Variants in CCDC170 observed in about 807,000 individuals in gnomAD.
CCDC170 encodes the protein coiled-coil domain-containing protein 170.
In CCDC170, 69 loss-of-function variants were observed where a neutral mutation model predicts 72.6. That is an observed-to-expected ratio of 0.95 (90% CI 0.78 to 1.16). CCDC170 has a LOEUF of 1.16. Ranked by LOEUF, CCDC170 falls within the 50% of genes most tolerant of loss-of-function variation. CCDC170 has a pLI of 0.00. For missense variants in CCDC170, 852 were observed against 832.5 expected, an observed-to-expected ratio of 1.02 and a Z score of -0.29; for synonymous variants, 300 against 303.9, an observed-to-expected ratio of 0.99 and a Z score of 0.13.
intron 6 of CCDC170, among the ~76,000 whole-genome samples, chr6:151,579,019 T>A (rs1442226485): frequency 6.6e-6 from 1 of 152,172 alleles, no homozygotes; most frequent in East Asian, 1.9e-4. Flanking sequence ...TCTTTAACTA[T>A]ATTGTGCTTT....
At chr6:151,546,764 ACTT>A (rs375537788) in intron 4 of CCDC170, among the ~76,000 whole-genome samples, 62 of 151,896 alleles carry the variant, frequency 4.1e-4, no homozygotes, top group East Asian at 2.9e-3. Flanking sequence ...TTTTCTCCCC[ACTT>A]CTTCTGCCTC....
chr6:151,519,716 G>A (rs561923377), intron 1 of CCDC170, among the ~76,000 whole-genome samples: 1 of 152,154 alleles, frequency 6.6e-6, no homozygotes, highest in Non-Finnish European at 1.5e-5. Context: ...TATTATTCAT[G>A]AGTTTTCTAG....
At chr6:151,538,014 T>TTC in intron 2 of CCDC170, 31 bp from the exon 3 acceptor site, 1 of 1,549,268 alleles carries the variant, frequency 6.5e-7, no homozygotes. Context: ...TGTTAAGGTT[T>TTC]TTTTTTTTTT....
chr6:151,506,150 C>T (rs1376550383), intron 1 of CCDC170, among the ~76,000 whole-genome samples: 1 of 152,138 alleles, frequency 6.6e-6, no homozygotes, highest in African/African-American at 2.4e-5. Flanking sequence ...TGGAAATCTT[C>T]CAGTGTTGGC....
At chr6:151,514,945 T>C (rs576631522) in intron 1 of CCDC170, among the ~76,000 whole-genome samples, 6 of 152,202 alleles carry the variant, frequency 3.9e-5, no homozygotes, top group Non-Finnish European at 8.8e-5. Flanking sequence ...GCTTGGTAGG[T>C]TGGTGTCAGA....
intron 3 of CCDC170, among the ~76,000 whole-genome samples, chr6:151,541,655 T>A (rs1782692629): frequency 6.6e-6 from 1 of 151,818 alleles, no homozygotes; most frequent in Admixed American, 6.6e-5. Context: ...ATATTTTTTA[T>A]ACAGAAAAGT....
intron 5 of CCDC170, among the ~76,000 whole-genome samples, chr6:151,562,686 C>G (rs893632685): frequency 6.6e-6 from 1 of 152,174 alleles, no homozygotes; most frequent in Admixed American, 6.5e-5. Context: ...GCACTAAGCT[C>G]TTCTGGTAGC....
intron 9 of CCDC170, among the ~76,000 whole-genome samples, chr6:151,608,809 T>A (rs1776824792): frequency 6.6e-6 from 1 of 152,162 alleles, no homozygotes; most frequent in Non-Finnish European, 1.5e-5. Context: ...GCACTTTCAG[T>A]CTCAGGAAGT....
At chr6:151,515,992 G>A (rs983851922) in intron 1 of CCDC170, among the ~76,000 whole-genome samples, 2 of 151,840 alleles carry the variant, frequency 1.3e-5, no homozygotes, top group Non-Finnish European at 2.9e-5. Context: ...CTTGAACCCT[G>A]GAGGCAGAGG....
intron 5 of CCDC170, among the ~76,000 whole-genome samples, chr6:151,565,451 C>A (rs1412149811): frequency 6.6e-6 from 1 of 152,198 alleles, no homozygotes; most frequent in Non-Finnish European, 1.5e-5. Context: ...CCTTTCCCTG[C>A]ATTGGGGAGC....
chr6:151,521,736 C>A (rs755806010), intron 1 of CCDC170, among the ~76,000 whole-genome samples: 2 of 152,152 alleles, frequency 1.3e-5, no homozygotes, highest in Non-Finnish European at 2.9e-5. Flanking sequence ...GTAATCCCAG[C>A]ACTTTGGGAG....
chr6:151,517,912 A>G (rs1264461377), intron 1 of CCDC170, among the ~76,000 whole-genome samples: 1 of 144,162 alleles, frequency 6.9e-6, no homozygotes, highest in East Asian at 2.0e-4. Flanking sequence ...CTTTACGGCC[A>G]TTTGCTTCTT....
At chr6:151,554,627 G>A (rs765454610) in intron 5 of CCDC170, among the ~76,000 whole-genome samples, 1 of 151,994 alleles carries the variant, frequency 6.6e-6, no homozygotes, top group Non-Finnish European at 1.5e-5. Context: ...GGGAGGCTGA[G>A]GTAGAAGAAT....
intron 9 of CCDC170, among the ~76,000 whole-genome samples, chr6:151,612,964 GTTTGCT>G (rs1272673188): frequency 7.6e-6 from 1 of 130,906 alleles, no homozygotes; most frequent in Non-Finnish European, 1.6e-5. Context: ...TGTTTGCTTT[GTTTGCT>G]CTTTGTCTAT....
At chr6:151,566,570 G>A (rs567912384) in intron 5 of CCDC170, among the ~76,000 whole-genome samples, 12 of 152,250 alleles carry the variant, frequency 7.9e-5, no homozygotes, top group Admixed American at 5.9e-4. Context: ...AAATTTTTAA[G>A]TATTAGAAGC....
chr6:151,618,098 C>T lies in CCDC170; in HGVS notation c.2099C>T (p.Thr700Ile). The T allele has an allele frequency of 6.2e-7, 1 of 1,614,142 alleles. No homozygotes were observed. The highest frequency in any genetic ancestry group is 8.5e-7 in the Non-Finnish European group (1 of 1,180,030). The change falls in exon 11 of 11, where the codon ACT (threonine) becomes ATT (isoleucine). Residue 700 changes from threonine (T) to isoleucine (I), a missense_variant. Thr to Ile is a moderately conservative substitution (Grantham distance 89). Coordinates refer to ENST00000239374, the MANE Select transcript of CCDC170 (RefSeq NM_025059.4). ...ACCTGTGCCTGCCTCAAAGATGTGA[C>T]TACTGGGCAAGAGAGGCACCCACAA... ...FVTCACLKDV[T>I]TGQERHPQGH...
At chr6:151,546,991 T>TAAA (rs1456287430) in intron 4 of CCDC170, among the ~76,000 whole-genome samples, 5 of 58,868 alleles carry the variant, frequency 8.5e-5, no homozygotes, top group Admixed American at 1.9e-4. Flanking sequence ...GTGCCTGTCT[T>TAAA]AAGAAGAAAA....
chr6:151,605,899 G>A (rs1420726669), intron 9 of CCDC170, among the ~76,000 whole-genome samples: 1 of 92,428 alleles, frequency 1.1e-5, no homozygotes, highest in East Asian at 4.1e-4. Flanking sequence ...CTTCTATGCC[G>A]CCATTTTTTT....
chr6:151,554,872 G>GTTTTTTTTTTTTTTTTTTTTTTT (rs1173500486), intron 5 of CCDC170, among the ~76,000 whole-genome samples: 1 of 102,318 alleles, frequency 9.8e-6, no homozygotes, highest in African/African-American at 3.7e-5. Context: ...TTGGACCTCA[G>GTTTTTTTTTTTTTTTTTTTTTTT]TTTTTTTTTT....
Sources: allele counts gnomAD v4.1 joint callset (sites outside exome capture counted in the v4.1 genomes callset), GRCh38; gene constraint gnomAD v4.1.1; transcripts MANE v1.5; gene names NCBI Gene and HGNC (gene_info 2026-07-23, HGNC 2026-07-21).